KCNQ1: variants seen among roughly 807,000 people sequenced by gnomAD.
KCNQ1 encodes the protein potassium voltage-gated channel subfamily KQT member 1.
A neutral mutation model predicts 72.4 loss-of-function variants in KCNQ1; 49 were observed. That is an observed-to-expected ratio of 0.68 (90% confidence interval 0.54 to 0.86). The LOEUF is 0.86. Among genes scored for constraint, KCNQ1 ranks in the 40% least tolerant of loss-of-function variants. KCNQ1 has a pLI of 0.00. For missense variants in KCNQ1, 790 were observed against 945.1 expected, an observed-to-expected ratio of 0.84 and a Z score of 2.15; for synonymous variants, 450 against 412.6, an observed-to-expected ratio of 1.09 and a Z score of -1.10.
rs184504881 is a variant in KCNQ1 at position 2,640,524 on chromosome 11, G to A, written c.1394-21437G>A. On this transcript the variant is annotated intron_variant, in intron 10 of 15. Coordinates refer to ENST00000155840, the MANE Select transcript of KCNQ1 (RefSeq NM_000218.3). The stretch of plus-strand genomic sequence containing the variant: ...TGGTCTTGAATTCCTGGGCTCAAGC[G>A]ATCCTTCTGCCTTGGCCCCCCAAAG... 172 of 397,198 alleles carry A rather than the reference G, an allele frequency of 4.3e-4. 1 individual carries two copies. The highest frequency in any genetic ancestry group is 4.9e-5 in the Non-Finnish European group (11 of 225,968). 24.6% of individuals were successfully genotyped at this position (397,198 alleles called of 1,614,324 possible). A position where few individuals can be genotyped will look rare whatever the true frequency, so the allele number is the denominator to read the frequency against.
chr11:2,601,851 G>A lies in KCNQ1; in HGVS notation c.1393+12997G>A, dbSNP rs1848813039. ...GACATGTGGGTCATTCCCAGTTTGGGCTATTACAAATCAGAGTAGGCTGAA... is the reference window on the plus strand; with the variant it reads ...GACATGTGGGTCATTCCCAGTTTGGACTATTACAAATCAGAGTAGGCTGAA... On this transcript the variant is annotated intron_variant, in intron 10 of 15. Transcript: ENST00000155840. This position sits in a 1 kb window ranked among gnomAD's most constrained non-coding sequence, Gnocchi z 5.2. Among the ~76,000 whole-genome samples the A allele has an allele frequency of 6.6e-6, 1 of 152,108 alleles. No homozygotes were observed. Among genetic ancestry groups the A allele is most frequent in the Non-Finnish European group, 1.5e-5 (1 of 68,032 alleles).
rs1480314226 is a variant in KCNQ1, at chr11:2,564,436, A to G, written c.478-6192A>G. Among the ~76,000 whole-genome samples the G allele has an allele frequency of 6.6e-6, 1 of 152,088 alleles. No individual in the cohort carries two copies. ...TGGTGAAACCTTGTCTCTACTAATA[A>G]TACAAAAAGATTAGCCGGGTGTGGT... is the stretch of plus-strand genomic sequence containing the variant. On this transcript the variant is annotated intron_variant, in intron 2 of 15. Coordinates refer to ENST00000155840, the MANE Select transcript of KCNQ1 (RefSeq NM_000218.3). This position sits in a 1 kb window ranked among gnomAD's most constrained non-coding sequence, Gnocchi z 4.5.
chr11:2,619,899 A>G (rs2412058), intron 10 of KCNQ1: 91,144 of 397,888 alleles, frequency 0.23, 12,929 homozygotes, highest in African/African-American at 0.51. Context: ...GTACAGGTCT[A>G]TATGTTGCAT....
Position 2,673,342 on chromosome 11 carries a change from T to C in KCNQ1, c.1514+11261T>C, listed in dbSNP as rs1034961015. 1 of 398,608 alleles carries C rather than the reference T, an allele frequency of 2.5e-6. No individual in the cohort carries two copies. Among genetic ancestry groups the C allele is most frequent in the African/African-American group, 2.1e-5 (1 of 48,642 alleles). 24.7% of individuals were successfully genotyped at this position (398,608 alleles called of 1,614,324 possible). A position where few individuals can be genotyped will look rare whatever the true frequency, so the allele number is the denominator to read the frequency against. On this transcript the variant is annotated intron_variant, in intron 11 of 15. Transcript: ENST00000155840. This position sits in a 1 kb window ranked among gnomAD's most constrained non-coding sequence, Gnocchi z 4.5. ...ACCAGGCCAGCTTTTGGAAACAGTC[T>C]CATTAGCAAACAAAGGGAAGTGACA...
intron 12 of KCNQ1, among the ~76,000 whole-genome samples, chr11:2,774,983 C>G (rs1846664893): frequency 5.9e-5 from 9 of 152,172 alleles, no homozygotes; most frequent in Admixed American, 4.6e-4. Context: ...TGCAAATTCC[C>G]CAGCAAAAGG....
At chr11:2,662,134 G>T in intron 11 of KCNQ1, 53 bp downstream of exon 11, 1 of 1,611,776 alleles carries the variant, frequency 6.2e-7, no homozygotes, top group Non-Finnish European at 8.5e-7. Flanking sequence ...TGGAGCTCAA[G>T]GAGTCAGACT....
chr11:2,763,680 C>T (rs1564884916), intron 11 of KCNQ1, among the ~76,000 whole-genome samples: 3 of 152,190 alleles, frequency 2.0e-5, no homozygotes, highest in Admixed American at 1.3e-4. Flanking sequence ...ATCTCAGCCT[C>T]CTGAGTAGCA....
chr11:2,805,211 G>A (rs1051660598), intron 15 of KCNQ1, among the ~76,000 whole-genome samples: 2 of 152,180 alleles, frequency 1.3e-5, no homozygotes, highest in Admixed American at 6.5e-5. Flanking sequence ...TTCACAGGCC[G>A]CTGGGGACCC....
intron 1 of KCNQ1, among the ~76,000 whole-genome samples, chr11:2,517,907 A>T (rs1847315150): frequency 6.6e-6 from 1 of 152,218 alleles, no homozygotes; most frequent in Admixed American, 6.5e-5. Flanking sequence ...CGTCCTGCTC[A>T]AAGGCCACTT....
chr11:2,651,893 C>A lies in KCNQ1; in HGVS notation c.1394-10068C>A, dbSNP rs771975282. 1 of 398,704 alleles carries A rather than the reference C, an allele frequency of 2.5e-6. No individual in the cohort carries two copies. 24.7% of individuals were successfully genotyped at this position (398,704 alleles called of 1,614,324 possible). ...GTGTTCAGGCTGAGGGGGTCATAGCCGAGGGTCCCTCTGGGGCCGCTTGCT... is the reference window on the plus strand; with the variant it reads ...GTGTTCAGGCTGAGGGGGTCATAGCAGAGGGTCCCTCTGGGGCCGCTTGCT... On this transcript the variant is annotated intron_variant, in intron 10 of 15. Coordinates refer to ENST00000155840, the MANE Select transcript of KCNQ1 (RefSeq NM_000218.3). The surrounding 1 kb of genome is among the most constrained non-coding windows in gnomAD (Gnocchi z 6.1).
rs1590081328 is a variant in KCNQ1 at position 2,775,959 on chromosome 11, G to A, written c.1591-1G>A. The A allele has an allele frequency of 1.3e-6, 2 of 1,556,304 alleles. No homozygotes were observed. Among genetic ancestry groups the A allele is most frequent in the Non-Finnish European group, 8.7e-7 (1 of 1,149,592 alleles). ...GTGATGCGTGTCTTTTTGTCCCGCA[G>A]CAAGCGCGGAAGCCTTACGATGTGC... On this transcript the variant is annotated splice_acceptor_variant, in intron 12 of 15. Coordinates refer to ENST00000155840, the MANE Select transcript of KCNQ1 (RefSeq NM_000218.3). LOFTEE classifies it high-confidence loss of function.
At chr11:2,842,226 C>T (rs1402798632) in intron 15 of KCNQ1, among the ~76,000 whole-genome samples, 1 of 152,204 alleles carries the variant, frequency 6.6e-6, no homozygotes, top group Admixed American at 6.5e-5. Flanking sequence ...CCACGACGCT[C>T]GACTCTCTGG....
At chr11:2,795,337 C>A (rs1355625275) in intron 15 of KCNQ1, among the ~76,000 whole-genome samples, 2 of 152,232 alleles carry the variant, frequency 1.3e-5, no homozygotes, top group African/African-American at 4.8e-5. Context: ...ACGGACAGGG[C>A]CCCAGGGTCT....
intron 10 of KCNQ1, chr11:2,609,399 C>A (rs1419543755): frequency 2.5e-6 from 1 of 398,278 alleles, no homozygotes; most frequent in Non-Finnish European, 4.4e-6. Context: ...TGTATTATTT[C>A]AATCCTTTTA....
At chr11:2,635,133 C>T (rs1849439243) in intron 10 of KCNQ1, 1 of 152,160 alleles carries the variant, frequency 6.6e-6, no homozygotes, top group Non-Finnish European at 1.5e-5. Flanking sequence ...CTGTAGGTTG[C>T]CTATTCACTC....
chr11:2,793,420 G>A (rs997177101), intron 15 of KCNQ1, among the ~76,000 whole-genome samples: 8 of 114,228 alleles, frequency 7.0e-5, no homozygotes, highest in South Asian at 2.5e-4. Context: ...AGGAGTTCAC[G>A]ACCACCCTGG....
rs965223107 is a variant in KCNQ1 at position 2,632,450 on chromosome 11, G to C, written c.1394-29511G>C. On this transcript the variant is annotated intron_variant, in intron 10 of 15. Coordinates refer to ENST00000155840, the MANE Select transcript of KCNQ1 (RefSeq NM_000218.3). ...ATCTTGCTTTATTCCTGATCTTAGA[G>C]GAAAAGCTCTTAGTCTTTTCACCAT... 8 of 398,214 alleles carry C rather than the reference G, an allele frequency of 2.0e-5. No homozygotes were observed. The South Asian group carries it at 3.8e-4, about 19-fold the overall frequency. 24.7% of individuals were successfully genotyped at this position (398,214 alleles called of 1,614,324 possible). A position where few individuals can be genotyped will look rare whatever the true frequency, so the allele number is the denominator to read the frequency against.
chr11:2,779,439 C>T (rs12794000), intron 15 of KCNQ1, among the ~76,000 whole-genome samples: 22,123 of 151,938 alleles, frequency 0.15, 1,957 homozygotes, highest in Admixed American at 0.2. Context: ...GCACCCAGTT[C>T]CCCAGCCTCC....
chr11:2,585,707 G>A (rs888426936), intron 8 of KCNQ1, among the ~76,000 whole-genome samples: 1 of 152,212 alleles, frequency 6.6e-6, no homozygotes, highest in African/African-American at 2.4e-5. Context: ...TGTGCAGTTG[G>A]TGCCTTCTGG....
Sources: gnomAD v4.1 joint callset for allele counts (sites outside exome capture counted in the v4.1 genomes callset) on GRCh38, gnomAD v4.1.1 for gene constraint, Gnocchi (gnomAD v3.1) non-coding constraint, MANE v1.5 for transcripts, NCBI Gene and HGNC (gene_info 2026-07-23, HGNC 2026-07-21) for gene names.